ICA1L: variants seen among roughly 807,000 people sequenced by gnomAD.
The protein encoded by ICA1L is islet cell autoantigen 1 like.
In ICA1L, 50 loss-of-function variants were observed where a neutral mutation model predicts 61.3. That is an observed-to-expected ratio of 0.82 (90% CI 0.65 to 1.03). The LOEUF (loss-of-function observed/expected upper bound fraction) is 1.03, where lower values mean the gene tolerates loss of function less well. Among genes scored for constraint, ICA1L ranks in the 50% least tolerant of loss-of-function variants. The pLI is 0.00. For synonymous variants in ICA1L, 161 were observed against 191.3 expected (o/e 0.84, Z 1.31); for missense variants, 508 against 556.7 (o/e 0.91, Z 0.88).
intron 12 of ICA1L, among the ~76,000 whole-genome samples, chr2:202,780,286 G>GTTGT (rs139958198): frequency 0.02 from 2,984 of 152,262 alleles, 86 homozygotes; most frequent in African/African-American, 0.068. Flanking sequence ...TTGGTTTACA[G>GTTGT]TTGTTATGTC....
intron 9 of ICA1L, among the ~76,000 whole-genome samples, chr2:202,797,616 G>A (rs1032317324): frequency 6.6e-6 from 1 of 152,154 alleles, no homozygotes; most frequent in Non-Finnish European, 1.5e-5. Context: ...CCACTTCTGG[G>A]GTTCAAGTGA....
intron 1 of ICA1L, among the ~76,000 whole-genome samples, chr2:202,834,958 G>A (rs995050866): frequency 6.6e-6 from 1 of 151,986 alleles, no homozygotes; most frequent in Admixed American, 6.6e-5. Flanking sequence ...AGCTTCTGGA[G>A]TAGCTGGGAC....
chr2:202,811,839 T>C, intron 8 of ICA1L, 50 bp from the exon 9 acceptor site: 1 of 1,295,334 alleles, frequency 7.7e-7, no homozygotes, highest in Non-Finnish European at 1.1e-6. Flanking sequence ...AATACACTTG[T>C]GATTCATATT....
At chr2:202,806,198 G>A (rs1008698420) in intron 9 of ICA1L, among the ~76,000 whole-genome samples, 7 of 152,096 alleles carry the variant, frequency 4.6e-5, no homozygotes, top group Non-Finnish European at 7.3e-5. Context: ...ACTCCTTTCC[G>A]CTTGAGGAGG....
rs770382655 is a variant in ICA1L at position 202,788,940 on chromosome 2, C to T, written c.1133G>A (p.Ser378Asn). Reference sequence around the variant, plus strand: ...CATGGAAGGCTCCTGGGATGTGAGACTGGCACTGGGGCTCCCAAAGGCAGT... The same window carrying T: ...CATGGAAGGCTCCTGGGATGTGAGATTGGCACTGGGGCTCCCAAAGGCAGT... The part of the protein sequence containing the change: ...CQTAFGSPSA[S>N]LTSQEPSMGS... Residue 378 changes from serine (S) to asparagine (N), a missense_variant, in exon 11 of 13, where the codon AGT becomes AAT. Ser to Asn is a conservative substitution (Grantham distance 46). Coordinates refer to ENST00000358299, the MANE Select transcript of ICA1L (RefSeq NM_001288622.3). 6.2e-7 allele frequency: 1 copy of T among 1,614,126 alleles called. No homozygotes were observed. Among genetic ancestry groups the T allele is most frequent in the Non-Finnish European group, 8.5e-7 (1 of 1,180,028 alleles).
intron 1 of ICA1L, among the ~76,000 whole-genome samples, chr2:202,847,844 C>G (rs978179897): frequency 2.6e-5 from 4 of 151,802 alleles, no homozygotes. Context: ...TACACATCAA[C>G]AGTGGGCTGG....
At position 202,814,690 on chromosome 2, in the gene ICA1L, A is replaced by G. The variant is rs747284473; in HGVS notation, c.866+12T>C. The G allele has an allele frequency of 1.3e-6, 2 of 1,585,406 alleles. No individual in the cohort carries two copies. The highest frequency in any genetic ancestry group is 1.7e-5 in the Admixed American group (1 of 59,888). ...TTCTATAACATGACACAGATGACTT[A>G]TGCCTGCTTACTTATTGAGCTGTTC... On this transcript the variant is annotated intron_variant, in intron 8 of 12. Coordinates refer to ENST00000358299, the MANE Select transcript of ICA1L (RefSeq NM_001288622.3).
intron 9 of ICA1L, among the ~76,000 whole-genome samples, chr2:202,805,646 CAA>C (rs1028071207): frequency 5.9e-5 from 9 of 151,626 alleles, no homozygotes; most frequent in African/African-American, 1.9e-4. Context: ...TTTATAAAAC[CAA>C]AAATATTCAA....
At chr2:202,817,904 G>A (rs775182723) in intron 5 of ICA1L, among the ~76,000 whole-genome samples, 7 of 152,200 alleles carry the variant, frequency 4.6e-5, no homozygotes, top group Non-Finnish European at 8.8e-5. Flanking sequence ...CCTCGTTAAA[G>A]CACTGAGAAA....
Position 202,782,687 on chromosome 2 carries a change from A to G in ICA1L, c.1334-3039T>C, listed in dbSNP as rs184501866. 6.2e-4 allele frequency among the ~76,000 whole-genome samples: 95 copies of G among 152,048 alleles called. 1 individual carries two copies. The East Asian group carries it at 0.013, about 21-fold the overall frequency. On this transcript the variant is annotated intron_variant, in intron 12 of 12. Coordinates refer to ENST00000358299, the MANE Select transcript of ICA1L (RefSeq NM_001288622.3). ...CTCCCAAAGTGCTGGGATTAGAGGC[A>G]TGAGCCACCGCACCCAGACTGTTAA...
At chr2:202,816,157 T>C in intron 6 of ICA1L, 148 bp from the exon 7 acceptor site, 1 of 544,070 alleles carries the variant, frequency 1.8e-6, no homozygotes, top group South Asian at 2.5e-5. Flanking sequence ...TAGGGAACCA[T>C]AAAGCACTGC....
chr2:202,857,271 A>G (rs1694792848), intron 1 of ICA1L, among the ~76,000 whole-genome samples: 1 of 151,746 alleles, frequency 6.6e-6, no homozygotes, highest in Non-Finnish European at 1.5e-5. Flanking sequence ...ATGGTACCAG[A>G]AAAGATACAT....
chr2:202,816,930 G>A (rs1240167784), intron 6 of ICA1L, among the ~76,000 whole-genome samples: 2 of 152,186 alleles, frequency 1.3e-5, no homozygotes, highest in African/African-American at 4.8e-5. Context: ...TTGACAGAAT[G>A]AAAAGAACAT....
chr2:202,814,872 AC>A, intron 7 of ICA1L, 88 bp from the exon 8 acceptor site: 2 of 897,616 alleles, frequency 2.2e-6, no homozygotes, highest in Non-Finnish European at 3.5e-6. Context: ...ATTCTAAAGA[AC>A]CATATGAAAT....
intron 1 of ICA1L, among the ~76,000 whole-genome samples, chr2:202,830,205 C>T (rs931730857): frequency 5.9e-5 from 9 of 152,218 alleles, no homozygotes; most frequent in Middle Eastern, 3.4e-3. Context: ...GTCAGGAGAT[C>T]GAGACCATCC....
chr2:202,805,762 T>C (rs954771664), intron 9 of ICA1L, among the ~76,000 whole-genome samples: 1 of 151,982 alleles, frequency 6.6e-6, no homozygotes, highest in Non-Finnish European at 1.5e-5. Context: ...CAAATGAATA[T>C]CTGAAATTTA....
intron 1 of ICA1L, chr2:202,870,804 A>C (rs1180963180): frequency 6.6e-6 from 1 of 152,218 alleles, no homozygotes; most frequent in Non-Finnish European, 1.5e-5. Context: ...CATCTATTAC[A>C]CGAAAAATGA....
In ICA1L at chr2:202,850,476, G is replaced by T. The variant is rs529685641; in HGVS notation, c.-8+21143C>A. Among the ~76,000 whole-genome samples, 10 of 152,230 alleles carry T rather than the reference G, an allele frequency of 6.6e-5. No homozygotes were observed. In the East Asian group the frequency reaches 1.9e-3, roughly 29 times the overall value. ...GATGGAGCTGAAAAACACAGCAAGA[G>T]AACTTCGTGAAGCATTCACAAGTAT... On this transcript the variant is annotated intron_variant, in intron 1 of 12. Transcript: ENST00000358299.
chr2:202,821,766 T>G (rs2105852603), intron 3 of ICA1L: 1 of 186,174 alleles, frequency 5.4e-6, no homozygotes, highest in African/African-American at 2.3e-5. Context: ...CAAAAATCCC[T>G]CAAAACTATA....
Sources: gnomAD v4.1 joint callset for allele counts (sites outside exome capture counted in the v4.1 genomes callset) on GRCh38, gnomAD v4.1.1 for gene constraint, MANE v1.5 for transcripts, NCBI Gene and HGNC (gene_info 2026-07-23, HGNC 2026-07-21) for gene names.